Variants in RABGAP1L observed in about 807,000 individuals in gnomAD.
The protein encoded by RABGAP1L is RAB GTPase activating protein 1 like.
A neutral mutation model predicts 137.7 loss-of-function variants in RABGAP1L; 63 were observed. That is an observed-to-expected ratio of 0.46 (90% CI 0.37 to 0.56). RABGAP1L has a LOEUF of 0.56. Ranked by LOEUF, RABGAP1L falls within the 20% of genes least tolerant of loss-of-function variation. The pLI, the probability that RABGAP1L is intolerant of heterozygous loss-of-function variation, is 0.00. For synonymous variants in RABGAP1L, 431 were observed against 433.7 expected (o/e 0.99, Z 0.08); for missense variants, 1,095 against 1,244.0 (o/e 0.88, Z 1.80).
intron 19 of RABGAP1L, among the ~76,000 whole-genome samples, chr1:174,898,621 A>G (rs1657626598): frequency 6.6e-6 from 1 of 152,220 alleles, no homozygotes; most frequent in South Asian, 2.1e-4. Flanking sequence ...CTATTTGGAT[A>G]ATAAAGTAAT....
intron 22 of RABGAP1L, among the ~76,000 whole-genome samples, chr1:174,978,131 A>G (rs1043566426): frequency 4.6e-5 from 7 of 152,114 alleles, no homozygotes; most frequent in African/African-American, 1.7e-4. Flanking sequence ...CCATCACCTT[A>G]ATTTTCCCCT....
At chr1:174,321,941 G>A (rs1330645010) in intron 11 of RABGAP1L, among the ~76,000 whole-genome samples, 1 of 152,022 alleles carries the variant, frequency 6.6e-6, no homozygotes, top group Admixed American at 6.6e-5. Flanking sequence ...TGTAAATTCT[G>A]TTACTTGTCT....
chr1:174,793,637 A>G (rs1272193260), intron 18 of RABGAP1L, among the ~76,000 whole-genome samples: 2 of 152,200 alleles, frequency 1.3e-5, no homozygotes, highest in Non-Finnish European at 2.9e-5. Flanking sequence ...AAAGTTAGAA[A>G]GCAGCATCTG....
intron 13 of RABGAP1L, among the ~76,000 whole-genome samples, chr1:174,488,585 A>T (rs893298276): frequency 6.6e-6 from 1 of 151,902 alleles, no homozygotes; most frequent in Non-Finnish European, 1.5e-5. Flanking sequence ...GGTTTGTGAA[A>T]TTCTTTGCTA....
chr1:174,443,740 C>T (rs1654415959), intron 13 of RABGAP1L, among the ~76,000 whole-genome samples: 3 of 151,972 alleles, frequency 2.0e-5, no homozygotes, highest in African/African-American at 7.2e-5. Flanking sequence ...AGGTCTTACT[C>T]AAGTAGTCTT....
intron 1 of RABGAP1L, among the ~76,000 whole-genome samples, chr1:174,195,787 T>C (rs1401057104): frequency 1.7e-5 from 2 of 120,778 alleles, no homozygotes; most frequent in Non-Finnish European, 3.6e-5. Flanking sequence ...TTTCTTTCTT[T>C]TCTTTCTTTC....
chr1:174,280,244 A>T (rs1314677825), intron 10 of RABGAP1L, among the ~76,000 whole-genome samples: 1 of 152,176 alleles, frequency 6.6e-6, no homozygotes, highest in Non-Finnish European at 1.5e-5. Context: ...GTTGATGGTA[A>T]TCTGGAGATG....
At chr1:174,239,323 C>T (rs951763569) in intron 4 of RABGAP1L, among the ~76,000 whole-genome samples, 3 of 152,106 alleles carry the variant, frequency 2.0e-5, no homozygotes, top group Non-Finnish European at 4.4e-5. Flanking sequence ...TTGTTAGTAC[C>T]ACTTTCCTCT....
chr1:174,445,098 A>T (rs182296508), intron 13 of RABGAP1L, among the ~76,000 whole-genome samples: 6 of 152,218 alleles, frequency 3.9e-5, no homozygotes, highest in African/African-American at 1.4e-4. Flanking sequence ...ACACAGCACA[A>T]TGCTTGGCAT....
At chr1:174,882,805 A>T (rs1184522527) in intron 19 of RABGAP1L, among the ~76,000 whole-genome samples, 1 of 152,078 alleles carries the variant, frequency 6.6e-6, no homozygotes, top group African/African-American at 2.4e-5. Context: ...ACAAAAGCCT[A>T]GTCACTACTA....
chr1:174,736,323 A>G (rs571344532), intron 17 of RABGAP1L, among the ~76,000 whole-genome samples: 1 of 152,346 alleles, frequency 6.6e-6, no homozygotes, highest in African/African-American at 2.4e-5. Flanking sequence ...GCAGACATTA[A>G]ACCTTAAAGC....
At chr1:174,875,087 G>A (rs898016644) in intron 19 of RABGAP1L, among the ~76,000 whole-genome samples, 5 of 152,196 alleles carry the variant, frequency 3.3e-5, no homozygotes, top group Admixed American at 3.3e-4. Context: ...ACAATCTGTT[G>A]AAGGTTATAA....
chr1:174,786,482 C>T (rs187644277), intron 18 of RABGAP1L, among the ~76,000 whole-genome samples: 369 of 152,316 alleles, frequency 2.4e-3, no homozygotes, highest in Non-Finnish European at 4.1e-3. Context: ...CTTCTGAACT[C>T]TAATTGTGTC....
At chr1:174,917,802 G>A (rs1050826902) in intron 19 of RABGAP1L, among the ~76,000 whole-genome samples, 1 of 151,876 alleles carries the variant, frequency 6.6e-6, no homozygotes, top group Non-Finnish European at 1.5e-5. Context: ...GCATGCTGGC[G>A]ATTACCCGTG....
intron 19 of RABGAP1L, among the ~76,000 whole-genome samples, chr1:174,911,163 C>A (rs1458551018): frequency 6.6e-6 from 1 of 151,912 alleles, no homozygotes; most frequent in Admixed American, 6.6e-5. Context: ...GTCAAGTAAA[C>A]TTTTTTATAT....
intron 16 of RABGAP1L, chr1:174,701,240 AG>A (rs775615476): frequency 1.0e-5 from 13 of 1,259,804 alleles, no homozygotes; most frequent in East Asian, 1.1e-4. Context: ...GTTACCATAA[AG>A]GCATTTTTAG....
intron 19 of RABGAP1L, among the ~76,000 whole-genome samples, chr1:174,878,462 G>A (rs562272710): frequency 2.0e-4 from 31 of 152,166 alleles, no homozygotes; most frequent in Middle Eastern, 3.4e-3. Context: ...CTGACCTCAG[G>A]TGATCCGCCT....
chr1:174,549,443 A>T (rs1259584026), intron 13 of RABGAP1L, among the ~76,000 whole-genome samples: 1 of 152,218 alleles, frequency 6.6e-6, no homozygotes, highest in Non-Finnish European at 1.5e-5. Context: ...GATTTTAAAC[A>T]TTGGAATGCA....
At chr1:174,254,661 A>T (rs1672972476) in intron 7 of RABGAP1L, among the ~76,000 whole-genome samples, 1 of 152,214 alleles carries the variant, frequency 6.6e-6, no homozygotes, top group Non-Finnish European at 1.5e-5. Flanking sequence ...TGCAAAGGAC[A>T]TGAACTCATT....
Sources: gnomAD v4.1 joint callset for allele counts (sites outside exome capture counted in the v4.1 genomes callset) on GRCh38, gnomAD v4.1.1 for gene constraint, MANE v1.5 for transcripts, NCBI Gene and HGNC (gene_info 2026-07-23, HGNC 2026-07-21) for gene names.